Variants in ZZZ3 observed in about 807,000 individuals in gnomAD.
ZZZ3 encodes ZZ-type zinc finger-containing protein 3.
ZZZ3 carries 22 observed loss-of-function variants against 95.2 expected under a neutral mutation model. The observed-to-expected ratio is 0.23, with a 90% CI of 0.17 to 0.33. The LOEUF (loss-of-function observed/expected upper bound fraction) is 0.33, where lower values mean the gene tolerates loss of function less well. ZZZ3 is among the 10% of genes least tolerant of loss of function. The pLI is 1.00. For missense variants in ZZZ3, 885 were observed against 1,066.5 expected (o/e 0.83, Z 2.37); for synonymous variants, 335 against 358.9 (o/e 0.93, Z 0.75).
Position 77,594,556 on chromosome 1 carries a change from T to C in ZZZ3, c.1506-9901A>G, listed in dbSNP as rs528564102. Among the ~76,000 whole-genome samples the C allele has an allele frequency of 6.6e-5, 10 of 152,172 alleles. No homozygotes were observed. The South Asian group carries it at 8.3e-4, about 13-fold the overall frequency. On this transcript the variant is annotated intron_variant, in intron 5 of 14. Transcript: ENST00000370801. ...AGAGCTGAGTAGTTATACAGATGGA[T>C]GACTCTTCAATGACGACAGTTCAGA...
intron 5 of ZZZ3, among the ~76,000 whole-genome samples, chr1:77,610,418 A>C (rs1475525950): frequency 6.6e-6 from 1 of 151,996 alleles, no homozygotes; most frequent in African/African-American, 2.4e-5. Flanking sequence ...TCCTACTCAA[A>C]CTATACCAAA....
At chr1:77,634,281 C>T (rs1278295933) in intron 4 of ZZZ3, among the ~76,000 whole-genome samples, 1 of 152,100 alleles carries the variant, frequency 6.6e-6, no homozygotes, top group African/African-American at 2.4e-5. Context: ...TCAAAATGTT[C>T]CCGGTATACA....
Position 77,632,641 on chromosome 1 carries a change from T to G in ZZZ3, c.714A>C (p.Ser238=), listed in dbSNP as rs1459462375. Residue 238 remains serine, a synonymous_variant, in exon 5 of 15, where the codon TCA becomes TCC. Transcript: ENST00000370801. The part of the protein sequence containing the change: ...SIGSYVLQEK[S]VAENGDTDTQ... ...TATCCGTATCCCCATTTTCAGCTAC[T>G]GATTTTTCCTGTAACACATAGGAAC... 6.2e-7 allele frequency: 1 copy of G among 1,614,238 alleles called. No individual in the cohort carries two copies. The highest frequency in any genetic ancestry group is 1.7e-5 in the Admixed American group (1 of 60,030).
At chr1:77,614,638 CT>C (rs1282793084) in intron 5 of ZZZ3, among the ~76,000 whole-genome samples, 1 of 151,936 alleles carries the variant, frequency 6.6e-6, no homozygotes, top group Non-Finnish European at 1.5e-5. Flanking sequence ...CTATATATCA[CT>C]TTTTTAAGCT....
At chr1:77,669,273 C>A (rs1185715279) in intron 1 of ZZZ3, among the ~76,000 whole-genome samples, 1 of 152,122 alleles carries the variant, frequency 6.6e-6, no homozygotes, top group South Asian at 2.1e-4. Context: ...TCTTCTCTTT[C>A]TCTTCTCCCC....
At chr1:77,602,472 C>A (rs1177260567) in intron 5 of ZZZ3, among the ~76,000 whole-genome samples, 4 of 152,176 alleles carry the variant, frequency 2.6e-5, no homozygotes, top group African/African-American at 9.6e-5. Flanking sequence ...GGTAATTACT[C>A]TAGCACTGAA....
chr1:77,600,002 T>C (rs1017552882), intron 5 of ZZZ3, among the ~76,000 whole-genome samples: 5 of 152,126 alleles, frequency 3.3e-5, no homozygotes, highest in South Asian at 2.1e-4. Flanking sequence ...CCTGAAAATA[T>C]AGCCATTCTT....
At chr1:77,646,698 T>A (rs1414505971) in intron 1 of ZZZ3, among the ~76,000 whole-genome samples, 2 of 151,956 alleles carry the variant, frequency 1.3e-5, no homozygotes, top group African/African-American at 4.8e-5. Flanking sequence ...AGTATGAAAA[T>A]TATTTCTGAC....
chr1:77,640,340 C>T (rs983190158), intron 3 of ZZZ3, among the ~76,000 whole-genome samples: 3 of 152,024 alleles, frequency 2.0e-5, no homozygotes, highest in Non-Finnish European at 4.4e-5. Context: ...GTGGCTCGCA[C>T]CTGTAATCCC....
rs568786635 is a variant in ZZZ3, at chr1:77,634,222, T to C, written c.-51-817A>G. 3.9e-3 allele frequency among the ~76,000 whole-genome samples: 587 copies of C among 152,112 alleles called. 1 individual carries two copies. The highest frequency in any genetic ancestry group is 5.8e-3 in the Non-Finnish European group (394 of 67,986). ...AAATAAAATAATAATCTTGAACTTATATAGCAGCTATCTTTCAAAAAACTA... is the reference window on the plus strand; with the variant it reads ...AAATAAAATAATAATCTTGAACTTACATAGCAGCTATCTTTCAAAAAACTA... On this transcript the variant is annotated intron_variant, in intron 4 of 14. Transcript: ENST00000370801.
chr1:77,665,592 A>T (rs1671176411), intron 1 of ZZZ3, among the ~76,000 whole-genome samples: 1 of 152,190 alleles, frequency 6.6e-6, no homozygotes, highest in African/African-American at 2.4e-5. Flanking sequence ...TATGATTTTA[A>T]GTTTAAAAGT....
rs554871172 is a variant in ZZZ3, at chr1:77,609,393, A to T, written c.1505+22457T>A. Among the ~76,000 whole-genome samples, 2 of 152,268 alleles carry T rather than the reference A, an allele frequency of 1.3e-5. 1 individual carries two copies. Among genetic ancestry groups the T allele is most frequent in the South Asian group, 4.1e-4 (2 of 4,832 alleles). On this transcript the variant is annotated intron_variant, in intron 5 of 14. Transcript: ENST00000370801. ...TGAAGCACTCAGATATATAAAGCAA[A>T]TATTGTTAGAGCTAAAGAGAGAGAT...
At chr1:77,614,882 C>A (rs1163831704) in intron 5 of ZZZ3, 1 of 152,156 alleles carries the variant, frequency 6.6e-6, no homozygotes, top group African/African-American at 2.4e-5. Context: ...TATGGCCATA[C>A]CAGCCCGAAT....
chr1:77,603,700 T>A (rs889285268), intron 5 of ZZZ3, among the ~76,000 whole-genome samples: 1 of 152,100 alleles, frequency 6.6e-6, no homozygotes, highest in Non-Finnish European at 1.5e-5. Flanking sequence ...AAGGCAAAAT[T>A]TTTTTATACT....
Position 77,632,591 on chromosome 1 carries a change from C to T in ZZZ3, c.764G>A (p.Ser255Asn). Residue 255 changes from serine to asparagine, a missense_variant, in exon 5 of 15, where the codon AGT becomes AAT. Physicochemically the swap from Ser to Asn is conservative, Grantham distance 46 (BLOSUM62 1). Around this residue, in one of 5 missense-constraint regions of ZZZ3, gnomAD observed 556 missense variants for 652.9 expected, o/e 0.85. Coordinates refer to ENST00000370801, the MANE Select transcript of ZZZ3 (RefSeq NM_015534.6). The stretch of plus-strand genomic sequence containing the variant: ...GTCTATATAACTGTCCTCCTTCCTA[C>T]TATCAAGGAACATTGAAGTTTGGGT... ...TDTQTSMFLD[S>N]RKEDSYIDHK... The T allele has an allele frequency of 6.2e-7, 1 of 1,614,166 alleles. No homozygotes were observed. Among genetic ancestry groups the T allele is most frequent in the South Asian group, 1.1e-5 (1 of 91,078 alleles).
chr1:77,640,600 C>CAAAAA (rs78243648), intron 3 of ZZZ3, among the ~76,000 whole-genome samples: 1 of 76,666 alleles, frequency 1.3e-5, no homozygotes, highest in Non-Finnish European at 2.7e-5. Context: ...AACTCAGTCT[C>CAAAAA]AAAAAAAAAA....
Position 77,568,415 on chromosome 1 carries a change from G to C in ZZZ3, c.2383C>G (p.Leu795Val). ...MYRNLPEYKE[L>V]LQFKKLKKQK... is the part of the protein sequence containing the mutation. ...TTCTTTAACTTTTTAAACTGTAATA[G>C]TTCTTTATATTCAGGTAAATTCCTA... The change falls in exon 13 of 15, where the codon CTA (leucine) becomes GTA (valine). Residue 795 changes from leucine to valine, a missense_variant. This residue lies in a region of ZZZ3 where 221 missense variants were observed against 247.8 expected (regional missense o/e 0.89). Coordinates refer to ENST00000370801, the MANE Select transcript of ZZZ3 (RefSeq NM_015534.6). 1 of 1,484,012 alleles carries C rather than the reference G, an allele frequency of 6.7e-7. No individual in the cohort carries two copies. Among genetic ancestry groups the C allele is most frequent in the Non-Finnish European group, 9.1e-7 (1 of 1,092,938 alleles). The allele number at this position is 1,484,012 out of a possible 1,614,324, so 91.9% of individuals were successfully genotyped here.
At chr1:77,607,416 T>A (rs1351940983) in intron 5 of ZZZ3, among the ~76,000 whole-genome samples, 1 of 152,338 alleles carries the variant, frequency 6.6e-6, no homozygotes, top group Non-Finnish European at 1.5e-5. Flanking sequence ...CATATCAAAC[T>A]GTTTTGAGGA....
At chr1:77,674,501 T>C (rs1043692587) in intron 1 of ZZZ3, among the ~76,000 whole-genome samples, 5 of 152,056 alleles carry the variant, frequency 3.3e-5, no homozygotes, top group South Asian at 4.1e-4. Context: ...GTTTCTGGAG[T>C]TCTGACAGTG....
Sources: gnomAD v4.1 joint callset for allele counts (sites outside exome capture counted in the v4.1 genomes callset) on GRCh38, gnomAD v4.1.1 for gene constraint, gnomAD v4.1.1 regional missense constraint, MANE v1.5 for transcripts, NCBI Gene and HGNC (gene_info 2026-07-23, HGNC 2026-07-21) for gene names.